LDB2: variants seen among roughly 807,000 people sequenced by gnomAD.
The protein encoded by LDB2 is LIM domain-binding protein 2.
Under a neutral mutation model 44.3 loss-of-function variants are expected in LDB2, and 12 were observed. That is an observed-to-expected ratio of 0.27 (90% CI 0.17 to 0.44). LDB2 has a LOEUF of 0.44. Among genes scored for constraint, LDB2 ranks in the 20% least tolerant of loss-of-function variants. The pLI, the probability that LDB2 is intolerant of heterozygous loss-of-function variation, is 1.00. For missense variants in LDB2, 344 were observed against 473.5 expected, an observed-to-expected ratio of 0.73 and a Z score of 2.54; for synonymous variants, 164 against 174.8, an observed-to-expected ratio of 0.94 and a Z score of 0.49.
chr4:16,647,033 T>C (rs1560748024), intron 2 of LDB2, among the ~76,000 whole-genome samples: 2 of 152,218 alleles, frequency 1.3e-5, no homozygotes, highest in Non-Finnish European at 2.9e-5. Context: ...GCATTATTCA[T>C]ATAGCCAAAA....
At chr4:16,571,354 T>C (rs1746456745) in intron 5 of LDB2, among the ~76,000 whole-genome samples, 1 of 151,842 alleles carries the variant, frequency 6.6e-6, no homozygotes, top group African/African-American at 2.4e-5. Flanking sequence ...GGGATGGGAG[T>C]TATCGTGGAA....
rs146285107 is a variant in LDB2, at chr4:16,586,205, C to G, written c.532-200G>C. Among the ~76,000 whole-genome samples, 348 of 152,218 alleles carry G rather than the reference C, an allele frequency of 2.3e-3. No individual in the cohort carries two copies. The South Asian group carries it at 0.023, about 10-fold the overall frequency. ...CAAGGACATTTTCAGATCAATTGTG[C>G]AAGACTGGGGAAAAACCAAACTGCT... On this transcript the variant is annotated intron_variant, in intron 4 of 7. Coordinates refer to ENST00000304523, the MANE Select transcript of LDB2 (RefSeq NM_001290.5).
intron 1 of LDB2, among the ~76,000 whole-genome samples, chr4:16,775,182 T>G (rs1306762995): frequency 1.3e-5 from 2 of 152,198 alleles, no homozygotes; most frequent in Non-Finnish European, 2.9e-5. Flanking sequence ...ACCTCACTCT[T>G]AATTGTGAGG....
chr4:16,839,283 G>A (rs1464937295), intron 1 of LDB2, among the ~76,000 whole-genome samples: 1 of 152,186 alleles, frequency 6.6e-6, no homozygotes, highest in Non-Finnish European at 1.5e-5. Flanking sequence ...TTCCATTCAT[G>A]GCAGAAGGCA....
chr4:16,784,240 C>T (rs1773912441), intron 1 of LDB2, among the ~76,000 whole-genome samples: 1 of 152,128 alleles, frequency 6.6e-6, no homozygotes, highest in Admixed American at 6.5e-5. Flanking sequence ...CAAGGACATC[C>T]ATGCGGAGCT....
chr4:16,781,287 C>G (rs193175720), intron 1 of LDB2, among the ~76,000 whole-genome samples: 1 of 152,156 alleles, frequency 6.6e-6, no homozygotes, highest in Non-Finnish European at 1.5e-5. Flanking sequence ...CTGTCATGCG[C>G]GGCAGTTTCT....
intron 2 of LDB2, among the ~76,000 whole-genome samples, chr4:16,682,345 C>T (rs1260966122): frequency 6.6e-6 from 1 of 152,110 alleles, no homozygotes; most frequent in African/African-American, 2.4e-5. Context: ...AAAATAAGTA[C>T]AATAATGCCT....
intron 5 of LDB2, among the ~76,000 whole-genome samples, chr4:16,536,425 C>A (rs1731888301): frequency 6.6e-6 from 1 of 152,204 alleles, no homozygotes; most frequent in African/African-American, 2.4e-5. Flanking sequence ...CTCCAGCATG[C>A]TGTGCTGCTG....
rs77297593 is a variant in LDB2, at chr4:16,820,164, T to A, written c.133-60904A>T. Among the ~76,000 whole-genome samples the A allele has an allele frequency of 7.2e-3, 1,101 of 152,342 alleles. 11 individuals carry two copies. The highest frequency in any genetic ancestry group is 0.025 in the African/African-American group (1,042 of 41,584). ...TGTAAGATATTGTTTACTCAAAAAA[T>A]TTAGAAATGATGTGACCAAATATCG... On this transcript the variant is annotated intron_variant, in intron 1 of 7. Coordinates refer to ENST00000304523, the MANE Select transcript of LDB2 (RefSeq NM_001290.5).
chr4:16,612,730 A>G lies in LDB2; in HGVS notation c.236-16855T>C, dbSNP rs1432899006. Reference sequence around the variant, plus strand: ...TAATTAATAGCCTACCAAACAAAAAAGCCCAGGACCGGACGGATTCACAGC... The same window carrying G: ...TAATTAATAGCCTACCAAACAAAAAGGCCCAGGACCGGACGGATTCACAGC... On this transcript the variant is annotated intron_variant, in intron 2 of 7. Coordinates refer to ENST00000304523, the MANE Select transcript of LDB2 (RefSeq NM_001290.5). Among the ~76,000 whole-genome samples, 4 of 152,192 alleles carry G rather than the reference A, an allele frequency of 2.6e-5. No individual in the cohort carries two copies. The East Asian group carries it at 5.8e-4, about 22-fold the overall frequency.
chr4:16,697,649 C>T (rs973829428), intron 2 of LDB2, among the ~76,000 whole-genome samples: 4 of 152,054 alleles, frequency 2.6e-5, no homozygotes, highest in African/African-American at 9.7e-5. Context: ...TTCTCTTTGC[C>T]TCAGCCCTCT....
rs1718739105 is a variant in LDB2, at chr4:16,504,864, A to T, written c.892-1991T>A. 2.6e-5 allele frequency among the ~76,000 whole-genome samples: 4 copies of T among 152,350 alleles called. No individual in the cohort carries two copies. In the South Asian group the frequency reaches 8.3e-4, roughly 32 times the overall value. On this transcript the variant is annotated intron_variant, in intron 7 of 7. Transcript: ENST00000304523. ...TGTACAGAGCATGACCTGAGGGTTA[A>T]TCTCATTTCATGACTTGTGTCCAGC... is the stretch of plus-strand genomic sequence containing the variant.
At chr4:16,596,235 T>C (rs752758244) in intron 2 of LDB2, among the ~76,000 whole-genome samples, 6 of 152,154 alleles carry the variant, frequency 3.9e-5, no homozygotes, top group Non-Finnish European at 5.9e-5. Context: ...TCCAATCTGC[T>C]TGGATTTTTT....
At chr4:16,671,614 C>G (rs527919732) in intron 2 of LDB2, among the ~76,000 whole-genome samples, 2 of 152,184 alleles carry the variant, frequency 1.3e-5, no homozygotes, top group South Asian at 4.2e-4. Context: ...GCCTCTGATG[C>G]CAACATTGAT....
intron 1 of LDB2, among the ~76,000 whole-genome samples, chr4:16,836,069 AAC>A (rs1784835905): frequency 6.6e-6 from 1 of 152,236 alleles, no homozygotes; most frequent in African/African-American, 2.4e-5. Context: ...GGTTGGCTTT[AAC>A]ACATCACTGT....
At chr4:16,569,514 A>G (rs1433874962) in intron 5 of LDB2, among the ~76,000 whole-genome samples, 1 of 152,182 alleles carries the variant, frequency 6.6e-6, no homozygotes, top group African/African-American at 2.4e-5. Context: ...AAATAGGGAG[A>G]CCAGAGTAGA....
chr4:16,677,038 C>T (rs1746524000), intron 2 of LDB2, among the ~76,000 whole-genome samples: 1 of 152,202 alleles, frequency 6.6e-6, no homozygotes, highest in Admixed American at 6.5e-5. Context: ...AGTCCCTTAA[C>T]CTCTTTGAAC....
At chr4:16,732,888 C>T (rs555535622) in intron 2 of LDB2, among the ~76,000 whole-genome samples, 1 of 152,278 alleles carries the variant, frequency 6.6e-6, no homozygotes, top group South Asian at 2.1e-4. Context: ...TGCAAATCCA[C>T]CCACTTCCTA....
Position 16,508,532 on chromosome 4 carries a change from T to TA in LDB2, c.891+2dup, listed in dbSNP as rs749337758. On this transcript the variant is annotated splice_region_variant and intron_variant, in intron 7 of 7. Transcript: ENST00000304523. ...TCGGGCCTAAGAGGAAAGCGAGACT[T>TA]ACAGGTACCTGACTGGACAGACTCA... 7 of 1,564,394 alleles carry TA rather than the reference T, an allele frequency of 4.5e-6. No homozygotes were observed. The highest frequency in any genetic ancestry group is 6.1e-6 in the Non-Finnish European group (7 of 1,151,736).
Sources: gnomAD v4.1 joint callset for allele counts (sites outside exome capture counted in the v4.1 genomes callset) on GRCh38, gnomAD v4.1.1 for gene constraint, MANE v1.5 for transcripts, NCBI Gene and HGNC (gene_info 2026-07-23, HGNC 2026-07-21) for gene names.